Variants in GPR158 observed in about 807,000 individuals in gnomAD.
The protein encoded by GPR158 is G protein-coupled receptor 158, also known as metabotropic glycine receptor.
A neutral mutation model predicts 78.2 loss-of-function variants in GPR158; 30 were observed. The ratio of observed to expected loss-of-function variants is 0.38; its 90% CI spans 0.29 to 0.52. The LOEUF (loss-of-function observed/expected upper bound fraction) is 0.52. Among genes scored for constraint, GPR158 ranks in the 20% least tolerant of loss-of-function variants. The probability of loss-of-function intolerance (pLI) is 0.83; values close to 1 mark genes in which losing one functional copy is unlikely to be tolerated. For synonymous variants in GPR158, 581 were observed against 591.1 expected, an observed-to-expected ratio of 0.98 and a Z score of 0.25; for missense variants, 1,463 against 1,523.5, an observed-to-expected ratio of 0.96 and a Z score of 0.66.
At chr10:25,288,143 T>A (rs1323858445) in intron 2 of GPR158, among the ~76,000 whole-genome samples, 3 of 152,248 alleles carry the variant, frequency 2.0e-5, no homozygotes, top group Admixed American at 6.5e-5. Flanking sequence ...CATTTAATTC[T>A]CACAACTTTT....
chr10:25,484,524 T>G (rs1286111443), intron 5 of GPR158, among the ~76,000 whole-genome samples: 4 of 152,180 alleles, frequency 2.6e-5, no homozygotes, highest in African/African-American at 7.2e-5. Flanking sequence ...ATCCTGAGAT[T>G]ACCTTCATGG....
In GPR158 at chr10:25,290,607, G is replaced by A. The variant is rs944545471; in HGVS notation, c.1008+69450G>A. ...ATATTCAAGGTAATGATCAGAAAAT[G>A]TAGGCCTTTGTCATTAGCAATGGAA... is the stretch of plus-strand genomic sequence containing the variant. On this transcript the variant is annotated intron_variant, in intron 2 of 10. Coordinates refer to ENST00000376351, the MANE Select transcript of GPR158 (RefSeq NM_020752.3). Among the ~76,000 whole-genome samples the A allele has an allele frequency of 2.0e-5, 3 of 152,128 alleles. No homozygotes were observed. The South Asian group carries it at 6.2e-4, about 32-fold the overall frequency.
At chr10:25,371,496 A>G (rs1833992648) in intron 2 of GPR158, among the ~76,000 whole-genome samples, 1 of 151,692 alleles carries the variant, frequency 6.6e-6, no homozygotes, top group East Asian at 2.0e-4. Flanking sequence ...TGGTACTGGT[A>G]CCAAAACAGA....
chr10:25,347,430 T>G (rs958090169), intron 2 of GPR158, among the ~76,000 whole-genome samples: 1 of 152,064 alleles, frequency 6.6e-6, no homozygotes, highest in Admixed American at 6.6e-5. Context: ...CAACTGTTTT[T>G]TACCATGTAA....
In GPR158 at chr10:25,528,105, A is replaced by G. The variant is rs538342037; in HGVS notation, c.1405-22871A>G. Among the ~76,000 whole-genome samples, 52 of 152,210 alleles carry G rather than the reference A, an allele frequency of 3.4e-4. 2 individuals are homozygous for G. Among genetic ancestry groups the G allele is most frequent in the African/African-American group, 1.2e-3 (51 of 41,560 alleles). On this transcript the variant is annotated intron_variant, in intron 5 of 10. Coordinates refer to ENST00000376351, the MANE Select transcript of GPR158 (RefSeq NM_020752.3). ...TAGCTATTTCTATTACACATTTAAG[A>G]ATGGAATAGTGTCAATCTTAACTCT...
Position 25,597,929 on chromosome 10 carries a change from A to G in GPR158, c.2303A>G (p.Gln768Arg). ...GAGATCCCAGAGACAGTCAGCCGGC[A>G]GTGCTCTAAAGAGGACAAGGAGGGC... ...ITEIPETVSR[Q>R]CSKEDKEGAD... The change falls in exon 11 of 11, where the codon CAG becomes CGG. Residue 768 changes from glutamine to arginine, a missense_variant. Transcript: ENST00000376351. The G allele has an allele frequency of 6.2e-7, 1 of 1,612,792 alleles. No individual in the cohort carries two copies. The highest frequency in any genetic ancestry group is 8.5e-7 in the Non-Finnish European group (1 of 1,179,288).
rs185230101 is a variant in GPR158, at chr10:25,439,669, G to A, written c.1336-26982G>A. Among the ~76,000 whole-genome samples, 9 of 152,224 alleles carry A rather than the reference G, an allele frequency of 5.9e-5. No individual in the cohort carries two copies. In the East Asian group the frequency reaches 1.7e-3, roughly 29 times the overall value. On this transcript the variant is annotated intron_variant, in intron 4 of 10. Transcript: ENST00000376351. ...CAGTGTTCCTCAAACGAGAGGTTAG[G>A]AGCCATCCTTGAGGATGCAGAGCTA... is the stretch of plus-strand genomic sequence containing the variant.
At chr10:25,429,392 T>C (rs1435188889) in intron 4 of GPR158, among the ~76,000 whole-genome samples, 1 of 152,142 alleles carries the variant, frequency 6.6e-6, no homozygotes, top group Non-Finnish European at 1.5e-5. Context: ...TCCATGTATT[T>C]TGTCAAAAAG....
chr10:25,393,609 A>G (rs1222414968), intron 2 of GPR158: 1 of 152,084 alleles, frequency 6.6e-6, no homozygotes, highest in East Asian at 1.9e-4. Context: ...CTATTTCCTG[A>G]TAGTATGTTT....
At chr10:25,469,179 C>G (rs144660324) in intron 5 of GPR158, among the ~76,000 whole-genome samples, 1 of 152,184 alleles carries the variant, frequency 6.6e-6, no homozygotes, top group African/African-American at 2.4e-5. Flanking sequence ...TTAATGTACA[C>G]TCTCTCTTGG....
intron 3 of GPR158, among the ~76,000 whole-genome samples, chr10:25,404,761 G>T (rs1438849923): frequency 6.6e-6 from 1 of 152,032 alleles, no homozygotes; most frequent in Non-Finnish European, 1.5e-5. Flanking sequence ...TAGATTTGTG[G>T]AACTCTAGCA....
chr10:25,590,810 A>G (rs1837331564), intron 8 of GPR158, among the ~76,000 whole-genome samples: 1 of 152,194 alleles, frequency 6.6e-6, no homozygotes, highest in African/African-American at 2.4e-5. Context: ...ATAAACTGCT[A>G]GATTTTTTTA....
At chr10:25,312,750 A>G (rs561680962) in intron 2 of GPR158, among the ~76,000 whole-genome samples, 17 of 152,294 alleles carry the variant, frequency 1.1e-4, no homozygotes, top group African/African-American at 3.8e-4. Flanking sequence ...AGATTTAGTA[A>G]TATTCATAAT....
Position 25,176,453 on chromosome 10 carries a change from C to T in GPR158, c.902+131C>T. 1 of 767,316 alleles carries T rather than the reference C, an allele frequency of 1.3e-6. No individual in the cohort carries two copies. Among genetic ancestry groups the T allele is most frequent in the Admixed American group, 3.3e-5 (1 of 30,740 alleles). The allele number at this position is 767,316 out of a possible 1,614,324, so 47.5% of individuals were successfully genotyped here. A position where few individuals can be genotyped will look rare whatever the true frequency, so the allele number is the denominator to read the frequency against. On this transcript the variant is annotated intron_variant, in intron 1 of 10. Coordinates refer to ENST00000376351, the MANE Select transcript of GPR158 (RefSeq NM_020752.3). This position sits in a 1 kb window ranked among gnomAD's most constrained non-coding sequence, Gnocchi z 6.3. The stretch of plus-strand genomic sequence containing the variant: ...GCTTCTCACCCTCAGAGTAGAGACC[C>T]GGGCTGAGGGACACCCCACGCGGGC...
At chr10:25,225,096 T>A (rs998268514) in intron 2 of GPR158, among the ~76,000 whole-genome samples, 1 of 152,054 alleles carries the variant, frequency 6.6e-6, no homozygotes, top group Admixed American at 6.6e-5. Context: ...TTTGTTGTTG[T>A]TGTTTTTTAA....
In GPR158 at chr10:25,228,753, C is replaced by T. The variant is rs913723537; in HGVS notation, c.1008+7596C>T. Among the ~76,000 whole-genome samples the T allele has an allele frequency of 9.2e-5, 14 of 152,154 alleles. No individual in the cohort carries two copies. In the East Asian group the frequency reaches 1.4e-3, roughly 15 times the overall value. On this transcript the variant is annotated intron_variant, in intron 2 of 10. Transcript: ENST00000376351. ...AATGTGTACAAGATGATTTGTAGGCCGGGCGTGGTGGCTCACGCCTGTAAT... is the reference window on the plus strand; with the variant it reads ...AATGTGTACAAGATGATTTGTAGGCTGGGCGTGGTGGCTCACGCCTGTAAT...
intron 2 of GPR158, among the ~76,000 whole-genome samples, chr10:25,280,497 G>T (rs1037264780): frequency 6.6e-6 from 1 of 152,154 alleles, no homozygotes; most frequent in African/African-American, 2.4e-5. Context: ...ATTTCTTGGA[G>T]AAATTGACAA....
intron 1 of GPR158, among the ~76,000 whole-genome samples, chr10:25,218,290 G>GGAATGCTTCAC (rs1264634576): frequency 2.0e-5 from 3 of 152,106 alleles, no homozygotes; most frequent in Non-Finnish European, 4.4e-5. Flanking sequence ...GCACAAGCCT[G>GGAATGCTTCAC]GAATGCTTCA....
rs544784655 is a variant in GPR158, at chr10:25,176,595, C to T, written c.902+273C>T. On this transcript the variant is annotated intron_variant, in intron 1 of 10. Transcript: ENST00000376351. This position sits in a 1 kb window ranked among gnomAD's most constrained non-coding sequence, Gnocchi z 6.3. ...TGGGCGAGGGACAGGCAGCCCTTGG[C>T]AGGACGGAGACACCCCCGCTGCTCT... Among the ~76,000 whole-genome samples the T allele has an allele frequency of 6.6e-6, 1 of 152,346 alleles. No homozygotes were observed. Among genetic ancestry groups the T allele is most frequent in the East Asian group, 1.9e-4 (1 of 5,170 alleles).
Sources: allele counts gnomAD v4.1 joint callset (sites outside exome capture counted in the v4.1 genomes callset), GRCh38; gene constraint gnomAD v4.1.1; non-coding constraint Gnocchi (gnomAD v3.1); transcripts MANE v1.5; gene names NCBI Gene and HGNC (gene_info 2026-07-23, HGNC 2026-07-21).